LAMC1: variants seen among roughly 807,000 people sequenced by gnomAD.
The protein encoded by LAMC1 is laminin subunit gamma-1.
A neutral mutation model predicts 173.6 loss-of-function variants in LAMC1; 38 were observed. The ratio of observed to expected loss-of-function variants is 0.22; its 90% CI spans 0.17 to 0.29. The LOEUF (loss-of-function observed/expected upper bound fraction) is 0.29. Ranked by LOEUF, LAMC1 falls within the 10% of genes least tolerant of loss-of-function variation. LAMC1 has a pLI of 1.00. For missense variants in LAMC1, 1,824 were observed against 2,051.8 expected, an observed-to-expected ratio of 0.89 and a Z score of 2.14; for synonymous variants, 746 against 749.1, an observed-to-expected ratio of 1.00 and a Z score of 0.07.
In LAMC1 at chr1:183,060,903, G is replaced by C. The variant is rs117806696; in HGVS notation, c.418+36769G>C. 8.5e-5 allele frequency among the ~76,000 whole-genome samples: 13 copies of C among 152,302 alleles called. No homozygotes were observed. In the East Asian group the frequency reaches 2.5e-3, roughly 29 times the overall value. ...AGTAGGTTTGTGTAAAATAGAGATA[G>C]GAAGATATGATCACTTCATGAAAGG... On this transcript the variant is annotated intron_variant, in intron 1 of 27. Coordinates refer to ENST00000258341, the MANE Select transcript of LAMC1 (RefSeq NM_002293.4).
Position 183,023,556 on chromosome 1 carries a change from C to T in LAMC1, c.-161C>T, listed in dbSNP as rs1235518686. ...GCGGTCCTCGCTAGGGGCGCCCACCCGTCAGTCTCTCCGGCGCGAGCCGCC... is the reference window on the plus strand; with the variant it reads ...GCGGTCCTCGCTAGGGGCGCCCACCTGTCAGTCTCTCCGGCGCGAGCCGCC... On this transcript the variant is annotated 5_prime_UTR_variant, in exon 1 of 28. Transcript: ENST00000258341. 2.1e-5 allele frequency: 8 copies of T among 372,916 alleles called. No individual in the cohort carries two copies. The highest frequency in any genetic ancestry group is 3.3e-5 in the Non-Finnish European group (8 of 242,524). 23.1% of individuals were successfully genotyped at this position (372,916 alleles called of 1,614,324 possible). A position where few individuals can be genotyped will look rare whatever the true frequency, so the allele number is the denominator to read the frequency against.
rs1162073606 is a variant in LAMC1 at position 183,132,444 on chromosome 1, C to A, written c.3611C>A (p.Ala1204Asp). 2 of 1,612,912 alleles carry A rather than the reference C, an allele frequency of 1.2e-6. No homozygotes were observed. Among genetic ancestry groups the A allele is most frequent in the African/African-American group, 1.3e-5 (1 of 74,846 alleles). ...ADDIVRVAKT[A>D]NDTSTEAYNL... The stretch of plus-strand genomic sequence containing the variant: ...GACATTGTTCGAGTGGCAAAGACAG[C>A]CAATGATACGTCAACTGAGGCATAC... The change falls in exon 21 of 28, where the codon GCC becomes GAC. Residue 1204 changes from alanine (A) to aspartate (D), a missense_variant. Coordinates refer to ENST00000258341, the MANE Select transcript of LAMC1 (RefSeq NM_002293.4).
At chr1:183,072,844 C>T (rs61811786) in intron 1 of LAMC1, among the ~76,000 whole-genome samples, 5,947 of 152,266 alleles carry the variant, frequency 0.039, 160 homozygotes, top group Non-Finnish European at 0.063. Context: ...ATCTAGGTTG[C>T]GTGCTCTTTA....
Position 183,114,738 on chromosome 1 carries a change from G to T in LAMC1, c.1210+19G>T. 6.2e-7 allele frequency: 1 copy of T among 1,607,128 alleles called. No individual in the cohort carries two copies. The highest frequency in any genetic ancestry group is 8.5e-7 in the Non-Finnish European group (1 of 1,175,106). On this transcript the variant is annotated intron_variant, in intron 5 of 27. Coordinates refer to ENST00000258341, the MANE Select transcript of LAMC1 (RefSeq NM_002293.4). ...CCTGTGGGTAAGTGACAGGAAGATG[G>T]ATTGAAAGACAAAATGATAGTTCCG...
intron 1 of LAMC1, among the ~76,000 whole-genome samples, chr1:183,028,159 C>A (rs866413247): frequency 7.2e-5 from 11 of 151,860 alleles, no homozygotes; most frequent in African/African-American, 2.2e-4. Context: ...TTCCTCCCCC[C>A]CCCCACCTCT....
At chr1:183,103,118 G>A (rs1003213462) in intron 1 of LAMC1, among the ~76,000 whole-genome samples, 19 of 152,128 alleles carry the variant, frequency 1.2e-4, no homozygotes, top group African/African-American at 4.1e-4. Context: ...CATCACGACA[G>A]GCCTTTATGA....
intron 1 of LAMC1, among the ~76,000 whole-genome samples, chr1:183,025,461 C>T (rs1653662115): frequency 6.6e-6 from 1 of 152,170 alleles, no homozygotes; most frequent in Admixed American, 6.5e-5. Flanking sequence ...AAAATAATTT[C>T]ATAAAATGAT....
At chr1:183,092,198 T>A (rs1446292777) in intron 1 of LAMC1, among the ~76,000 whole-genome samples, 6 of 152,182 alleles carry the variant, frequency 3.9e-5, no homozygotes. Flanking sequence ...AATTGCACAT[T>A]AAAATGTCTG....
chr1:183,030,061 AAATC>A (rs1280332538), intron 1 of LAMC1, among the ~76,000 whole-genome samples: 1 of 152,190 alleles, frequency 6.6e-6, no homozygotes, highest in African/African-American at 2.4e-5. Flanking sequence ...TGGTTAGAAA[AAATC>A]AGAAGAATAA....
chr1:183,053,311 G>T (rs1384150089), intron 1 of LAMC1, among the ~76,000 whole-genome samples: 1 of 152,006 alleles, frequency 6.6e-6, no homozygotes. Context: ...GCTGAAACAG[G>T]TTTATCAAAG....
intron 4 of LAMC1, among the ~76,000 whole-genome samples, chr1:183,113,853 T>A (rs1396994775): frequency 6.6e-6 from 1 of 152,236 alleles, no homozygotes; most frequent in African/African-American, 2.4e-5. Context: ...TTTTTGGAGT[T>A]GATACTAGAA....
intron 1 of LAMC1, 82 bp downstream of exon 1, chr1:183,024,216 C>G (rs1312186552): frequency 6.5e-6 from 9 of 1,382,664 alleles, no homozygotes; most frequent in Non-Finnish European, 8.7e-6. Context: ...TGGCCGGCCT[C>G]ACGGGCGCAG....
intron 1 of LAMC1, among the ~76,000 whole-genome samples, chr1:183,079,337 C>G (rs1030358198): frequency 6.9e-6 from 1 of 144,686 alleles, no homozygotes; most frequent in Admixed American, 7.2e-5. Context: ...TCACTGCAAC[C>G]TCCACTTGCC....
chr1:183,050,191 T>C (rs1218058258), intron 1 of LAMC1, among the ~76,000 whole-genome samples: 2 of 152,182 alleles, frequency 1.3e-5, no homozygotes, highest in African/African-American at 4.8e-5. Flanking sequence ...CTATCTCTTA[T>C]TAGAAATTAC....
intron 1 of LAMC1, among the ~76,000 whole-genome samples, chr1:183,050,016 T>C (rs1654374198): frequency 6.6e-6 from 1 of 152,164 alleles, no homozygotes; most frequent in East Asian, 1.9e-4. Context: ...ACTTAGAATC[T>C]TATGTGCTAA....
At chr1:183,072,106 A>G (rs1224602597) in intron 1 of LAMC1, among the ~76,000 whole-genome samples, 3 of 152,202 alleles carry the variant, frequency 2.0e-5, no homozygotes, top group African/African-American at 7.2e-5. Flanking sequence ...TACCTTTTGA[A>G]AATTAAAGGA....
At position 183,121,859 on chromosome 1, in the gene LAMC1, A is replaced by G. The variant is rs772849251; in HGVS notation, c.2127A>G (p.Arg709=). 1.2e-6 allele frequency: 2 copies of G among 1,614,054 alleles called. No individual in the cohort carries two copies. The highest frequency in any genetic ancestry group is 1.7e-6 in the Non-Finnish European group (2 of 1,180,030). Residue 709 remains arginine (R), a synonymous_variant, in exon 12 of 28, where the codon AGA becomes AGG. Transcript: ENST00000258341. ...QFCEMCLSGY[R]RETPNLGPYS... Reference sequence around the variant, plus strand: ...GTGAGATGTGCCTCTCAGGTTACAGAAGAGAAACTCCTAATCTTGGACCAT... The same window carrying G: ...GTGAGATGTGCCTCTCAGGTTACAGGAGAGAAACTCCTAATCTTGGACCAT...
chr1:183,133,307 G>A, intron 21 of LAMC1, 99 bp from the exon 22 acceptor site: 2 of 972,058 alleles, frequency 2.1e-6, no homozygotes, highest in Non-Finnish European at 3.0e-6. Flanking sequence ...TTTCCTTTGA[G>A]GTTTTGGGCG....
At chr1:183,128,198 G>A (rs1323975118) in intron 17 of LAMC1, among the ~76,000 whole-genome samples, 1 of 152,188 alleles carries the variant, frequency 6.6e-6, no homozygotes, top group Non-Finnish European at 1.5e-5. Context: ...AGAGAGCTGA[G>A]TGGAGGTATC....
Sources: allele counts gnomAD v4.1 joint callset (sites outside exome capture counted in the v4.1 genomes callset), GRCh38; gene constraint gnomAD v4.1.1; transcripts MANE v1.5; gene names NCBI Gene and HGNC (gene_info 2026-07-23, HGNC 2026-07-21).